COL19A1: variants seen among roughly 807,000 people sequenced by gnomAD.
The protein encoded by COL19A1 is collagen alpha-1(XIX) chain.
A neutral mutation model predicts 190.2 loss-of-function variants in COL19A1; 159 were observed. That is an observed-to-expected ratio of 0.84 (90% CI 0.73 to 0.95). The LOEUF (loss-of-function observed/expected upper bound fraction) is 0.95. Among genes scored for constraint, COL19A1 ranks in the 40% least tolerant of loss-of-function variants. The pLI is 0.00. For missense variants in COL19A1, 1,418 were observed against 1,431.9 expected, an observed-to-expected ratio of 0.99 and a Z score of 0.16; for synonymous variants, 509 against 458.9, an observed-to-expected ratio of 1.11 and a Z score of -1.39.
rs1437338831 is a variant in COL19A1 at position 69,962,848 on chromosome 6, G to A, written c.1004G>A (p.Ser335Asn). 6.2e-7 allele frequency: 1 copy of A among 1,607,520 alleles called. No homozygotes were observed. The highest frequency in any genetic ancestry group is 8.5e-7 in the Non-Finnish European group (1 of 1,176,008). ...CAGGGAGAGCAAGGTTTTGAAGGCA[G>A]CAAAGGAGAAACTGGTGAAAAGGTA... ...GQKGEQGFEG[S>N]KGETGEKGEQ... Residue 335 changes from serine to asparagine, a missense_variant, in exon 11 of 51, where the codon AGC becomes AAC. Transcript: ENST00000620364.
At chr6:69,888,489 G>A (rs1769096696) in intron 2 of COL19A1, among the ~76,000 whole-genome samples, 1 of 151,664 alleles carries the variant, frequency 6.6e-6, no homozygotes, top group South Asian at 2.1e-4. Context: ...TCAGTGAAGA[G>A]AGGACAGAGG....
At chr6:70,096,095 T>G (rs1244514706) in intron 15 of COL19A1, among the ~76,000 whole-genome samples, 1 of 151,356 alleles carries the variant, frequency 6.6e-6, no homozygotes, top group Non-Finnish European at 1.5e-5. Context: ...TTTTTTTTTT[T>G]TTTTGAGAGA....
intron 14 of COL19A1, among the ~76,000 whole-genome samples, chr6:70,036,321 A>G (rs536372604): frequency 6.6e-6 from 1 of 152,324 alleles, no homozygotes; most frequent in African/African-American, 2.4e-5. Flanking sequence ...ACAAACTCTA[A>G]TCACCCAGTG....
intron 1 of COL19A1, among the ~76,000 whole-genome samples, chr6:69,870,623 A>C (rs1011010973): frequency 1.3e-5 from 2 of 152,210 alleles, no homozygotes; most frequent in African/African-American, 4.8e-5. Flanking sequence ...CCACTGTAAA[A>C]GAGCCTTGAG....
intron 15 of COL19A1, among the ~76,000 whole-genome samples, chr6:70,075,912 CATA>C (rs1405329017): frequency 2.6e-5 from 4 of 152,090 alleles, no homozygotes; most frequent in African/African-American, 7.2e-5. Context: ...AACAAAATAA[CATA>C]ATAAGTTTTC....
At chr6:70,059,938 C>A (rs1247290423) in intron 14 of COL19A1, 1 of 339,062 alleles carries the variant, frequency 2.9e-6, no homozygotes, top group Non-Finnish European at 5.7e-6. Context: ...AAAAAAAATC[C>A]ACAGGCTATG....
intron 14 of COL19A1, among the ~76,000 whole-genome samples, chr6:70,061,648 T>C (rs1413798463): frequency 6.6e-6 from 1 of 152,158 alleles, no homozygotes; most frequent in African/African-American, 2.4e-5. Context: ...TTTGATTATA[T>C]GTGTCTCAGA....
intron 17 of COL19A1, among the ~76,000 whole-genome samples, chr6:70,125,320 T>A (rs561624516): frequency 6.6e-6 from 1 of 152,306 alleles, no homozygotes; most frequent in East Asian, 1.9e-4. Context: ...CACAGTGGCT[T>A]CAACAGTCAC....
At chr6:70,023,165 G>C (rs949561363) in intron 11 of COL19A1, among the ~76,000 whole-genome samples, 2 of 100,782 alleles carry the variant, frequency 2.0e-5, no homozygotes, top group African/African-American at 8.1e-5. Context: ...ATGGAGTTTT[G>C]CTCTCTTACC....
At position 70,145,010 on chromosome 6, in the gene COL19A1, A is replaced by G. The variant is rs776204182; in HGVS notation, c.1770+3A>G. The G allele has an allele frequency of 5.7e-6, 9 of 1,569,108 alleles. No individual in the cohort carries two copies. The East Asian group carries it at 2.1e-4, about 36-fold the overall frequency. ...GGAAAAGCCTGCCAGGGGAACCAGT[A>G]AGTATTAGCCCTTTTGTTAATATTT... On this transcript the variant is annotated splice_donor_region_variant and intron_variant, in intron 25 of 50. Transcript: ENST00000620364.
intron 11 of COL19A1, among the ~76,000 whole-genome samples, chr6:70,007,673 C>T (rs1777715717): frequency 6.6e-6 from 1 of 151,896 alleles, no homozygotes; most frequent in Non-Finnish European, 1.5e-5. Flanking sequence ...GATTTCAATA[C>T]TCCTCTCTCA....
chr6:69,899,097 T>C (rs544832852), intron 3 of COL19A1, 75 bp downstream of exon 3: 3 of 916,926 alleles, frequency 3.3e-6, no homozygotes, highest in South Asian at 2.9e-5. Flanking sequence ...GAATACATTA[T>C]AGGTGAATCT....
At chr6:70,094,015 T>A (rs952781587) in intron 15 of COL19A1, among the ~76,000 whole-genome samples, 2 of 152,324 alleles carry the variant, frequency 1.3e-5, no homozygotes, top group African/African-American at 4.8e-5. Flanking sequence ...TTGCATTTTC[T>A]TCTCATGTCC....
chr6:70,162,233 C>G (rs1435551973), intron 35 of COL19A1, among the ~76,000 whole-genome samples: 1 of 151,932 alleles, frequency 6.6e-6, no homozygotes, highest in Admixed American at 6.6e-5. Context: ...AAAGAGCATT[C>G]TATTTTTTAT....
chr6:70,120,358 G>A (rs893791044), intron 16 of COL19A1, among the ~76,000 whole-genome samples: 7 of 152,086 alleles, frequency 4.6e-5, no homozygotes, highest in Admixed American at 4.6e-4. Context: ...TACATATGGT[G>A]TCTAAAATTC....
chr6:69,896,333 C>G (rs960375273), intron 2 of COL19A1, among the ~76,000 whole-genome samples: 2 of 151,200 alleles, frequency 1.3e-5, no homozygotes, highest in Non-Finnish European at 2.9e-5. Context: ...GTCAGGAGAT[C>G]GAGACCATCC....
At chr6:70,201,486 G>T (rs73746898) in intron 49 of COL19A1, among the ~76,000 whole-genome samples, 69 of 152,330 alleles carry the variant, frequency 4.5e-4, no homozygotes, top group African/African-American at 1.6e-3. Context: ...TTCTACTCCT[G>T]ATAGGGCTTC....
intron 11 of COL19A1, among the ~76,000 whole-genome samples, chr6:70,002,651 T>A (rs181872469): frequency 6.6e-6 from 1 of 151,134 alleles, no homozygotes; most frequent in Admixed American, 6.6e-5. Flanking sequence ...AGTTTATTTG[T>A]GTAGAGGTGT....
chr6:69,905,740 G>C (rs1582350618), intron 4 of COL19A1, among the ~76,000 whole-genome samples: 1 of 152,154 alleles, frequency 6.6e-6, no homozygotes, highest in East Asian at 1.9e-4. Context: ...CAACATCATT[G>C]TACACTTAGA....
Sources: allele counts gnomAD v4.1 joint callset (sites outside exome capture counted in the v4.1 genomes callset), GRCh38; gene constraint gnomAD v4.1.1; transcripts MANE v1.5; gene names NCBI Gene and HGNC (gene_info 2026-07-23, HGNC 2026-07-21).